The following CARM1 variants were observed in gnomAD, a reference collection of about 807,000 sequenced individuals.
CARM1 encodes the protein coactivator associated arginine methyltransferase 1.
In CARM1, 14 loss-of-function variants were observed where a neutral mutation model predicts 72.7. The ratio of observed to expected loss-of-function variants is 0.19; its 90% CI spans 0.13 to 0.30. The LOEUF is 0.30. Among genes scored for constraint, CARM1 ranks in the 10% least tolerant of loss-of-function variants. CARM1 has a pLI of 1.00. For missense variants in CARM1, 432 were observed against 833.7 expected, an observed-to-expected ratio of 0.52 and a Z score of 5.93; for synonymous variants, 333 against 345.5, an observed-to-expected ratio of 0.96 and a Z score of 0.40.
chr19:10,893,172 G>T (rs919462731), intron 1 of CARM1, among the ~76,000 whole-genome samples: 18 of 151,176 alleles, frequency 1.2e-4, no homozygotes, highest in African/African-American at 4.4e-4. Flanking sequence ...CGAGTTGCTG[G>T]GATTACAGGC....
chr19:10,908,512 G>A (rs567393485), intron 3 of CARM1: 3 of 220,738 alleles, frequency 1.4e-5, no homozygotes, highest in South Asian at 7.0e-5. Context: ...TCCCAACAAC[G>A]CTAGGAGGTA....
At chr19:10,876,962 C>T (rs1301310968) in intron 1 of CARM1, among the ~76,000 whole-genome samples, 2 of 152,246 alleles carry the variant, frequency 1.3e-5, no homozygotes, top group African/African-American at 4.8e-5. Context: ...GAAGCTTACA[C>T]AGCAGCATGG....
intron 1 of CARM1, among the ~76,000 whole-genome samples, chr19:10,872,213 G>T (rs563827725): frequency 2.0e-5 from 3 of 151,982 alleles, no homozygotes; most frequent in South Asian, 4.2e-4. Context: ...GGAAGTGGGG[G>T]GCTCTGAGTG....
chr19:10,911,343 G>A (rs949210827), intron 4 of CARM1, among the ~76,000 whole-genome samples: 1 of 152,182 alleles, frequency 6.6e-6, no homozygotes, highest in Non-Finnish European at 1.5e-5. Flanking sequence ...TAGGCCTTGG[G>A]CCCTGGGGAG....
At position 10,920,773 on chromosome 19, in the gene CARM1, AG is replaced by A. The variant is rs765286483; in HGVS notation, c.1424+31del. Reference sequence around the variant, plus strand: ...GGTAGGAGGGGCCCCTTGCCTGCACAGGGGGGCGCCCCGGCCCTGCAACCCC... The same window carrying A: ...GGTAGGAGGGGCCCCTTGCCTGCACAGGGGGCGCCCCGGCCCTGCAACCCC... On this transcript the variant is annotated intron_variant, in intron 12 of 15. Transcript: ENST00000327064. This position sits in a 1 kb window ranked among gnomAD's most constrained non-coding sequence, Gnocchi z 5.3. 2 of 1,613,416 alleles carry A rather than the reference AG, an allele frequency of 1.2e-6. No individual in the cohort carries two copies. The highest frequency in any genetic ancestry group is 2.7e-5 in the African/African-American group (2 of 74,912).
intron 8 of CARM1, among the ~76,000 whole-genome samples, chr19:10,917,718 CTT>C (rs1164032277): frequency 5.4e-5 from 7 of 129,786 alleles, no homozygotes; most frequent in Admixed American, 8.1e-5. Flanking sequence ...TTTTCTTTTT[CTT>C]TTTTTTTTTT....
intron 1 of CARM1, among the ~76,000 whole-genome samples, chr19:10,902,926 CT>C (rs1304021287): frequency 6.6e-5 from 10 of 152,130 alleles, no homozygotes; most frequent in Admixed American, 6.6e-4. Context: ...TTTATATATT[CT>C]GGACACTAAA....
chr19:10,916,654 C>T lies in CARM1; in HGVS notation c.939-42C>T. On this transcript the variant is annotated intron_variant, in intron 7 of 15. Transcript: ENST00000327064. The surrounding 1 kb of genome is among the most constrained non-coding windows in gnomAD (Gnocchi z 4.4). ...GGCAGGGCTACCCCACCTGCCTCTT[C>T]TGCAGCCCTGACCTTGCTGTGGGGG... The T allele has an allele frequency of 6.5e-7, 1 of 1,530,908 alleles. No individual in the cohort carries two copies. The highest frequency in any genetic ancestry group is 8.9e-7 in the Non-Finnish European group (1 of 1,124,308). 94.8% of individuals were successfully genotyped at this position (1,530,908 alleles called of 1,614,324 possible).
intron 1 of CARM1, among the ~76,000 whole-genome samples, chr19:10,904,546 C>T (rs1418961561): frequency 6.6e-6 from 1 of 152,230 alleles, no homozygotes; most frequent in Admixed American, 6.5e-5. Context: ...GGTGTGAACC[C>T]AGCGGTCTGA....
chr19:10,910,503 T>C (rs1003221215), intron 4 of CARM1, among the ~76,000 whole-genome samples: 3 of 151,858 alleles, frequency 2.0e-5, no homozygotes, highest in South Asian at 2.1e-4. Flanking sequence ...TAGAAATGTA[T>C]AATGTATTCC....
intron 1 of CARM1, among the ~76,000 whole-genome samples, chr19:10,890,183 T>C (rs143914521): frequency 0.013 from 1,975 of 152,162 alleles, 27 homozygotes; most frequent in Middle Eastern, 0.024. Context: ...GCCCAGGAGT[T>C]TGAGACCAGC....
chr19:10,921,708 T>A lies in CARM1; in HGVS notation c.1778T>A (p.Met593Lys). Residue 593 changes from methionine to lysine, a missense_variant, in exon 16 of 16, where the codon ATG becomes AAG. Transcript: ENST00000327064. ...QFTMGGPAIS[M>K]ASPMSIPTNT... Reference sequence around the variant, plus strand: ...ACCATGGGCGGCCCCGCCATCTCCATGGCGTCGCCCATGTCCATCCCGACC... The same window carrying A: ...ACCATGGGCGGCCCCGCCATCTCCAAGGCGTCGCCCATGTCCATCCCGACC... 5 of 1,613,538 alleles carry A rather than the reference T, an allele frequency of 3.1e-6. No homozygotes were observed. Among genetic ancestry groups the A allele is most frequent in the Non-Finnish European group, 4.2e-6 (5 of 1,179,810 alleles).
chr19:10,885,188 A>G (rs1480964270), intron 1 of CARM1, among the ~76,000 whole-genome samples: 1 of 152,260 alleles, frequency 6.6e-6, no homozygotes, highest in East Asian at 1.9e-4. Flanking sequence ...TGTTCCTCTC[A>G]TCATTTGTCC....
intron 1 of CARM1, among the ~76,000 whole-genome samples, chr19:10,873,787 C>G (rs2146293242): frequency 6.6e-6 from 1 of 151,598 alleles, no homozygotes; most frequent in East Asian, 2.0e-4. Flanking sequence ...CTACAGGCGC[C>G]TGCCGCCATG....
chr19:10,871,843 C>T lies in CARM1; in HGVS notation c.141C>T (p.Ile47=). The T allele has an allele frequency of 7.7e-7, 1 of 1,299,076 alleles. No homozygotes were observed. The allele number at this position is 1,299,076 out of a possible 1,614,324, so 80.5% of individuals were successfully genotyped here. A position where few individuals can be genotyped will look rare whatever the true frequency, so the allele number is the denominator to read the frequency against. ...CCATCGGCGACGCGAACGGCGAGATCCAGCGGCACGCGGAGCAGCAGGCGC... is the reference window on the plus strand; with the variant it reads ...CCATCGGCGACGCGAACGGCGAGATTCAGCGGCACGCGGAGCAGCAGGCGC... ...LLTIGDANGE[I]QRHAEQQALR... Residue 47 remains isoleucine (I), a synonymous_variant, in exon 1 of 16, where the codon ATC becomes ATT. Coordinates refer to ENST00000327064, the MANE Select transcript of CARM1 (RefSeq NM_199141.2). This position sits in a 1 kb window ranked among gnomAD's most constrained non-coding sequence, Gnocchi z 5.6.
chr19:10,872,814 C>T (rs2073830264), intron 1 of CARM1, among the ~76,000 whole-genome samples: 1 of 151,968 alleles, frequency 6.6e-6, no homozygotes. Flanking sequence ...CATTTTGCTA[C>T]TCTGTGTCAT....
intron 1 of CARM1, among the ~76,000 whole-genome samples, chr19:10,895,439 C>T (rs1384293103): frequency 1.3e-5 from 2 of 152,232 alleles, no homozygotes; most frequent in Non-Finnish European, 2.9e-5. Context: ...TCCAGGTCCC[C>T]CTGACCCAGG....
intron 1 of CARM1, among the ~76,000 whole-genome samples, chr19:10,897,600 G>T (rs555595603): frequency 6.6e-6 from 1 of 152,342 alleles, no homozygotes; most frequent in African/African-American, 2.4e-5. Context: ...TGGCCAAAGC[G>T]TAACACTCAG....
chr19:10,908,861 G>T (rs1327177881), intron 3 of CARM1: 7 of 409,518 alleles, frequency 1.7e-5, no homozygotes, highest in Admixed American at 4.2e-5. Context: ...CGGCTTCCAG[G>T]TCCAGGCGGC....
Sources: allele counts gnomAD v4.1 joint callset (sites outside exome capture counted in the v4.1 genomes callset), GRCh38; gene constraint gnomAD v4.1.1; non-coding constraint Gnocchi (gnomAD v3.1); transcripts MANE v1.5; gene names NCBI Gene and HGNC (gene_info 2026-07-23, HGNC 2026-07-21).